The following PLD5 variants were observed in gnomAD, a reference collection of about 807,000 sequenced individuals.
PLD5 encodes the protein phospholipase D family member 5, also known as inactive phospholipase D5.
In PLD5, 36 loss-of-function variants were observed where a neutral mutation model predicts 61.1. The observed-to-expected ratio is 0.59, with a 90% CI of 0.45 to 0.78. PLD5 has a LOEUF of 0.78. Ranked by LOEUF, PLD5 falls within the 30% of genes least tolerant of loss-of-function variation. The pLI is 0.00. For missense variants in PLD5, 515 were observed against 644.4 expected, an observed-to-expected ratio of 0.80 and a Z score of 2.17; for synonymous variants, 243 against 242.8, an observed-to-expected ratio of 1.00 and a Z score of -0.01.
chr1:242,226,592 A>G (rs922531755), intron 4 of PLD5, among the ~76,000 whole-genome samples: 2 of 152,252 alleles, frequency 1.3e-5, no homozygotes, highest in African/African-American at 2.4e-5. Context: ...ATGTTAAGCT[A>G]CAAATATGCT....
At chr1:242,167,659 A>C (rs1458203049) in intron 5 of PLD5, among the ~76,000 whole-genome samples, 2 of 152,232 alleles carry the variant, frequency 1.3e-5, no homozygotes, top group African/African-American at 4.8e-5. Context: ...GTCCTCACAA[A>C]AACACTGAGT....
At chr1:242,460,706 G>A (rs1022795603) in intron 1 of PLD5, among the ~76,000 whole-genome samples, 1 of 152,028 alleles carries the variant, frequency 6.6e-6, no homozygotes, top group Non-Finnish European at 1.5e-5. Context: ...ACATAAGAAT[G>A]AGCACACTTC....
intron 3 of PLD5, among the ~76,000 whole-genome samples, chr1:242,278,127 T>C (rs747914547): frequency 3.9e-5 from 6 of 152,228 alleles, no homozygotes; most frequent in Admixed American, 2.0e-4. Flanking sequence ...CATTTCTCCA[T>C]AGTTTCCAAA....
chr1:242,181,538 G>T (rs893434104), intron 5 of PLD5, among the ~76,000 whole-genome samples: 1 of 152,056 alleles, frequency 6.6e-6, no homozygotes, highest in African/African-American at 2.4e-5. Flanking sequence ...CTGTTGGATA[G>T]CACTGCTGTA....
intron 1 of PLD5, among the ~76,000 whole-genome samples, chr1:242,441,871 G>A (rs755864104): frequency 7.9e-5 from 12 of 152,146 alleles, no homozygotes; most frequent in East Asian, 1.9e-4. Flanking sequence ...AGGCTATTAC[G>A]TTATTTCTGA....
chr1:242,206,542 C>A (rs962436581), intron 5 of PLD5, among the ~76,000 whole-genome samples: 1 of 152,158 alleles, frequency 6.6e-6, no homozygotes, highest in East Asian at 1.9e-4. Context: ...CTACTAATAG[C>A]CTACTGTTGA....
intron 5 of PLD5, among the ~76,000 whole-genome samples, chr1:242,149,015 G>A (rs1281750425): frequency 1.1e-5 from 1 of 94,234 alleles, no homozygotes; most frequent in Non-Finnish European, 2.2e-5. Flanking sequence ...TCTTTTTCTT[G>A]CCTTACTACA....
chr1:242,223,757 C>A (rs1266091436), intron 4 of PLD5, among the ~76,000 whole-genome samples: 1 of 151,978 alleles, frequency 6.6e-6, no homozygotes, highest in African/African-American at 2.4e-5. Flanking sequence ...TTCCCCATTG[C>A]AAATTACCTG....
At chr1:242,333,465 C>T (rs781727242) in intron 2 of PLD5, among the ~76,000 whole-genome samples, 49 of 152,156 alleles carry the variant, frequency 3.2e-4, no homozygotes, top group Non-Finnish European at 5.1e-4. Flanking sequence ...TCTGGTGGGT[C>T]CTTAGGGAAC....
chr1:242,392,348 C>G (rs903008365), intron 1 of PLD5, among the ~76,000 whole-genome samples: 1 of 152,082 alleles, frequency 6.6e-6, no homozygotes, highest in African/African-American at 2.4e-5. Flanking sequence ...ATACCATAAA[C>G]CTCAGTGTTA....
chr1:242,215,510 A>G (rs71648697), intron 5 of PLD5, among the ~76,000 whole-genome samples: 42,682 of 151,968 alleles, frequency 0.28, 6,423 homozygotes, highest in South Asian at 0.41. Flanking sequence ...CTTTGCTAAA[A>G]CCTCTCAAGA....
At chr1:242,271,142 C>G (rs1387044968) in intron 3 of PLD5, among the ~76,000 whole-genome samples, 1 of 146,300 alleles carries the variant, frequency 6.8e-6, no homozygotes. Context: ...GCCTGAATAT[C>G]AAATGCAAGA....
At chr1:242,155,295 A>C (rs1665266095) in intron 5 of PLD5, among the ~76,000 whole-genome samples, 1 of 152,098 alleles carries the variant, frequency 6.6e-6, no homozygotes, top group South Asian at 2.1e-4. Flanking sequence ...TTTCAAAAAA[A>C]CCAGATCCTG....
At chr1:242,185,945 G>A (rs1574474482) in intron 5 of PLD5, among the ~76,000 whole-genome samples, 1 of 151,974 alleles carries the variant, frequency 6.6e-6, no homozygotes, top group South Asian at 2.1e-4. Context: ...CACAAACTCA[G>A]AGTGATTACC....
intron 1 of PLD5, among the ~76,000 whole-genome samples, chr1:242,505,403 C>T (rs1489224402): frequency 6.6e-6 from 1 of 152,102 alleles, no homozygotes; most frequent in Non-Finnish European, 1.5e-5. Flanking sequence ...TGTAATTGTA[C>T]ATATTTATGG....
chr1:242,373,383 A>T lies in PLD5; in HGVS notation c.190-25141T>A, dbSNP rs1332661829. Among the ~76,000 whole-genome samples the T allele has an allele frequency of 3.9e-5, 6 of 152,328 alleles. No individual in the cohort carries two copies. The South Asian group carries it at 8.3e-4, about 21-fold the overall frequency. On this transcript the variant is annotated intron_variant, in intron 1 of 9. Transcript: ENST00000536534. ...TAAACTAGTTCAACCATTGTGGAAG[A>T]CAGTGTGGCGATTCCTCAAGGATCT...
At chr1:242,170,902 A>AAATCT (rs1349515188) in intron 5 of PLD5, among the ~76,000 whole-genome samples, 4 of 152,114 alleles carry the variant, frequency 2.6e-5, no homozygotes, top group Non-Finnish European at 4.4e-5. Flanking sequence ...TGAAAAGACC[A>AAATCT]AATCTACACT....
intron 5 of PLD5, among the ~76,000 whole-genome samples, chr1:242,153,687 C>G (rs1027760262): frequency 6.6e-6 from 1 of 151,988 alleles, no homozygotes; most frequent in South Asian, 2.1e-4. Flanking sequence ...ATTTCTGAGG[C>G]CTCTGTTCTG....
At chr1:242,481,739 C>G (rs961381546) in intron 1 of PLD5, among the ~76,000 whole-genome samples, 1 of 152,240 alleles carries the variant, frequency 6.6e-6, no homozygotes, top group African/African-American at 2.4e-5. Context: ...AGCTTGAGAT[C>G]TGAGAACAGA....
Sources: allele counts gnomAD v4.1 joint callset (sites outside exome capture counted in the v4.1 genomes callset), GRCh38; gene constraint gnomAD v4.1.1; transcripts MANE v1.5; gene names NCBI Gene and HGNC (gene_info 2026-07-23, HGNC 2026-07-21).